THSD4: variants seen among roughly 807,000 people sequenced by gnomAD.
THSD4 encodes thrombospondin type 1 domain containing 4.
THSD4 carries 69 observed loss-of-function variants against 119.0 expected under a neutral mutation model. That is an observed-to-expected ratio of 0.58 (90% CI 0.48 to 0.71). The LOEUF (loss-of-function observed/expected upper bound fraction) is 0.71. Among genes scored for constraint, THSD4 ranks in the 30% least tolerant of loss-of-function variants. THSD4 has a pLI of 0.00. For missense variants in THSD4, 1,393 were observed against 1,391.1 expected (o/e 1.00, Z -0.02); for synonymous variants, 524 against 540.4 (o/e 0.97, Z 0.42).
intron 7 of THSD4, among the ~76,000 whole-genome samples, chr15:71,616,494 G>T (rs569855085): frequency 6.6e-6 from 1 of 152,298 alleles, no homozygotes; most frequent in South Asian, 2.1e-4. Context: ...GAAAGAGATG[G>T]CATGATTTAA....
chr15:71,401,737 C>A (rs747640428), intron 6 of THSD4, among the ~76,000 whole-genome samples: 1 of 152,152 alleles, frequency 6.6e-6, no homozygotes, highest in Non-Finnish European at 1.5e-5. Flanking sequence ...TTTGACCCAG[C>A]GATCCCATTA....
intron 1 of THSD4, among the ~76,000 whole-genome samples, chr15:71,107,352 AAGAAAGAAGGAAAGAG>A (rs2040278322): frequency 6.6e-6 from 1 of 152,198 alleles, no homozygotes; most frequent in African/African-American, 2.4e-5. Flanking sequence ...AAAGAAAAGA[AAGAAAGAAGGAAAGAG>A]AGAAGGAAGG....
At chr15:71,166,420 G>C (rs1295141358) in intron 3 of THSD4, among the ~76,000 whole-genome samples, 1 of 152,158 alleles carries the variant, frequency 6.6e-6, no homozygotes, top group Non-Finnish European at 1.5e-5. Flanking sequence ...CCTGTTCTGG[G>C]GCAATGCAGC....
At chr15:71,525,565 T>C (rs1334369019) in intron 7 of THSD4, among the ~76,000 whole-genome samples, 1 of 152,218 alleles carries the variant, frequency 6.6e-6, no homozygotes, top group Non-Finnish European at 1.5e-5. Context: ...ATGTACAATG[T>C]ACAGAGAAAT....
At chr15:71,756,557 C>CGGAT (rs2053542028) in intron 14 of THSD4, among the ~76,000 whole-genome samples, 1 of 152,064 alleles carries the variant, frequency 6.6e-6, no homozygotes, top group African/African-American at 2.4e-5. Context: ...CCGAGGCAGG[C>CGGAT]GGATCTCTTG....
chr15:71,488,203 G>T (rs977760862), intron 7 of THSD4, among the ~76,000 whole-genome samples: 7 of 152,168 alleles, frequency 4.6e-5, no homozygotes, highest in African/African-American at 1.7e-4. Flanking sequence ...AACAAGAATA[G>T]ATGTTGAATT....
rs182467762 is a variant in THSD4 at position 71,677,368 on chromosome 15, G to C, written c.1357+16634G>C. On this transcript the variant is annotated intron_variant, in intron 8 of 17. Transcript: ENST00000261862. ...AGTTCTTGCCTTTTCTTCACCAAAA[G>C]CTTTTATGACTCTTGTCCAGAACCA... Among the ~76,000 whole-genome samples, 261 of 152,318 alleles carry C rather than the reference G, an allele frequency of 1.7e-3. 1 individual carries two copies. Among genetic ancestry groups the C allele is most frequent in the Admixed American group, 0.016 (243 of 15,296 alleles).
rs3214957 is a variant in THSD4 at position 71,780,541 on chromosome 15, GAAAAAA to G, written c.*3172_*3177del. The G allele has an allele frequency of 3.4e-6, 1 of 297,070 alleles. No individual in the cohort carries two copies. Among genetic ancestry groups the G allele is most frequent in the Non-Finnish European group, 6.8e-6 (1 of 147,148 alleles). 18.4% of individuals were successfully genotyped at this position (297,070 alleles called of 1,614,324 possible). On this transcript the variant is annotated 3_prime_UTR_variant, in exon 18 of 18. Transcript: ENST00000261862. ...AAAAAAACAAACAAAAACACCAAAA[GAAAAAA>G]AAAAGCCATTTAAAGCCAGCCACTA...
chr15:71,755,068 G>C (rs2053514966), intron 14 of THSD4, among the ~76,000 whole-genome samples: 1 of 152,232 alleles, frequency 6.6e-6, no homozygotes, highest in Admixed American at 6.5e-5. Flanking sequence ...CTAGCACTGG[G>C]AGGGCACCCT....
chr15:71,368,226 C>T (rs1002267214), intron 6 of THSD4, among the ~76,000 whole-genome samples: 92 of 151,970 alleles, frequency 6.1e-4, no homozygotes, highest in African/African-American at 2.1e-3. Context: ...TTCTCCCATT[C>T]TGTAGGTTGC....
At chr15:71,205,833 T>C (rs1318749289) in intron 3 of THSD4, among the ~76,000 whole-genome samples, 1 of 151,614 alleles carries the variant, frequency 6.6e-6, no homozygotes, top group Non-Finnish European at 1.5e-5. Context: ...ATAGTGATAA[T>C]ACTGAATTTA....
chr15:71,621,168 G>A (rs552394773), intron 7 of THSD4, among the ~76,000 whole-genome samples: 193 of 152,216 alleles, frequency 1.3e-3, no homozygotes, highest in Non-Finnish European at 2.1e-3. Flanking sequence ...ACAATTAATG[G>A]TAATTTAGAT....
intron 8 of THSD4, among the ~76,000 whole-genome samples, chr15:71,680,715 C>T (rs181540231): frequency 3.3e-5 from 5 of 152,284 alleles, no homozygotes; most frequent in African/African-American, 4.8e-5. Flanking sequence ...CTCTCAGCCA[C>T]GCAGCTTTCT....
intron 7 of THSD4, among the ~76,000 whole-genome samples, chr15:71,649,380 TCTC>T (rs2051038552): frequency 6.6e-6 from 1 of 152,164 alleles, no homozygotes; most frequent in Non-Finnish European, 1.5e-5. Context: ...GTCAAGCCAT[TCTC>T]CTGCCTCCAG....
At chr15:71,394,813 T>C (rs538237745) in intron 6 of THSD4, among the ~76,000 whole-genome samples, 23 of 152,388 alleles carry the variant, frequency 1.5e-4, no homozygotes, top group African/African-American at 5.3e-4. Context: ...ATTTGGCGTT[T>C]ATACAGTTGC....
chr15:71,609,908 T>C (rs958300287), intron 7 of THSD4, among the ~76,000 whole-genome samples: 1 of 150,970 alleles, frequency 6.6e-6, no homozygotes, highest in Non-Finnish European at 1.5e-5. Context: ...CTACCATGTA[T>C]TGAGGGCTTC....
At chr15:71,691,293 C>T (rs923362704) in intron 8 of THSD4, among the ~76,000 whole-genome samples, 2 of 152,210 alleles carry the variant, frequency 1.3e-5, no homozygotes, top group Non-Finnish European at 2.9e-5. Context: ...CAAGATAATA[C>T]ATTTATGTTG....
At chr15:71,465,798 T>A (rs547857618) in intron 7 of THSD4, among the ~76,000 whole-genome samples, 1 of 152,206 alleles carries the variant, frequency 6.6e-6, no homozygotes, top group Non-Finnish European at 1.5e-5. Context: ...CTGGAAAGAA[T>A]GCTTTGGTCA....
At chr15:71,512,153 T>C (rs1280431740) in intron 7 of THSD4, among the ~76,000 whole-genome samples, 7 of 152,178 alleles carry the variant, frequency 4.6e-5, no homozygotes, top group Admixed American at 4.6e-4. Flanking sequence ...CTATGCCTAA[T>C]GTGTTCTTCT....
Sources: gnomAD v4.1 joint callset for allele counts (sites outside exome capture counted in the v4.1 genomes callset) on GRCh38, gnomAD v4.1.1 for gene constraint, MANE v1.5 for transcripts, NCBI Gene and HGNC (gene_info 2026-07-23, HGNC 2026-07-21) for gene names.